Variants in RAD51B observed in about 807,000 individuals in gnomAD.
RAD51B encodes the protein DNA repair protein RAD51 homolog 2.
Under a neutral mutation model 42.2 loss-of-function variants are expected in RAD51B, and 38 were observed. The ratio of observed to expected loss-of-function variants is 0.90; its 90% CI spans 0.70 to 1.18. The LOEUF (loss-of-function observed/expected upper bound fraction) is 1.18. Ranked by LOEUF, RAD51B falls within the 50% of genes most tolerant of loss-of-function variation. RAD51B has a pLI of 0.00. For synonymous variants in RAD51B, 154 were observed against 145.2 expected (o/e 1.06, Z -0.43); for missense variants, 373 against 400.7 (o/e 0.93, Z 0.59).
intron 7 of RAD51B, among the ~76,000 whole-genome samples, chr14:68,280,299 G>A (rs997360227): frequency 9.2e-5 from 14 of 152,160 alleles, no homozygotes; most frequent in African/African-American, 3.1e-4. Context: ...ATGGGACTTG[G>A]TTAATCTGAT....
chr14:68,563,848 G>T (rs1039963793), intron 10 of RAD51B: 10 of 985,478 alleles, frequency 1.0e-5, no homozygotes, highest in Non-Finnish European at 4.8e-6. Flanking sequence ...TCCTCTTGAA[G>T]TTGGTTTCCG....
chr14:68,030,523 C>T (rs1158970250), intron 7 of RAD51B, among the ~76,000 whole-genome samples: 1 of 152,198 alleles, frequency 6.6e-6, no homozygotes. Flanking sequence ...AGCTTCCTCA[C>T]CTCTCTCAGC....
chr14:67,832,036 T>G (rs2041069448), intron 3 of RAD51B, among the ~76,000 whole-genome samples: 2 of 152,210 alleles, frequency 1.3e-5, no homozygotes, highest in South Asian at 4.1e-4. Flanking sequence ...GAAATATTTC[T>G]TATATCAAAA....
At chr14:67,821,999 G>C (rs777168434) in intron 1 of RAD51B, among the ~76,000 whole-genome samples, 23 of 151,962 alleles carry the variant, frequency 1.5e-4, no homozygotes, top group Non-Finnish European at 3.4e-4. Context: ...GTGCGTGTGT[G>C]TGTGTGTGAG....
intron 4 of RAD51B, among the ~76,000 whole-genome samples, chr14:67,860,312 C>T (rs1334958237): frequency 1.3e-5 from 2 of 152,040 alleles, no homozygotes; most frequent in East Asian, 3.8e-4. Context: ...ACATGAAGAA[C>T]TAATTTCATT....
chr14:68,534,938 ATAT>A (rs1308262949), intron 10 of RAD51B, among the ~76,000 whole-genome samples: 4 of 152,010 alleles, frequency 2.6e-5, no homozygotes, highest in Non-Finnish European at 5.9e-5. Context: ...TGCTTTATAT[ATAT>A]TATTATTGTT....
downstream of RAD51B, among the ~76,000 whole-genome samples, chr14:68,482,176 GGTGT>G (rs66768673): frequency 8.7e-5 from 13 of 149,904 alleles, no homozygotes; most frequent in South Asian, 8.5e-4. Flanking sequence ...ATATTTTAGG[GGTGT>G]GTGTGTGTGT....
intron 7 of RAD51B, among the ~76,000 whole-genome samples, chr14:67,942,098 A>C (rs533814410): frequency 6.6e-6 from 1 of 152,350 alleles, no homozygotes; most frequent in African/African-American, 2.4e-5. Flanking sequence ...TATAATTCAT[A>C]GAGAATTTTC....
At chr14:67,994,881 G>C (rs1181172338) in intron 7 of RAD51B, among the ~76,000 whole-genome samples, 1 of 152,176 alleles carries the variant, frequency 6.6e-6, no homozygotes, top group East Asian at 1.9e-4. Context: ...GTCATCAGTA[G>C]ATGAATGAAT....
At chr14:67,933,871 C>G (rs1021485950) in intron 7 of RAD51B, among the ~76,000 whole-genome samples, 1 of 152,228 alleles carries the variant, frequency 6.6e-6, no homozygotes, top group Non-Finnish European at 1.5e-5. Context: ...AGAGCAGAAG[C>G]TACCTCTATG....
intron 10 of RAD51B, among the ~76,000 whole-genome samples, chr14:68,581,585 A>G (rs1890211021): frequency 6.6e-6 from 1 of 152,210 alleles, no homozygotes; most frequent in Admixed American, 6.5e-5. Context: ...TACTGCCCAT[A>G]GTAATTTGTA....
At chr14:68,361,876 A>T (rs2083033087) in intron 8 of RAD51B, among the ~76,000 whole-genome samples, 1 of 152,114 alleles carries the variant, frequency 6.6e-6, no homozygotes, top group Admixed American at 6.5e-5. Flanking sequence ...GGGTTTTACC[A>T]TGTTAGCCAG....
chr14:68,563,486 G>C, intron 10 of RAD51B: 2 of 985,458 alleles, frequency 2.0e-6, no homozygotes, highest in Non-Finnish European at 2.4e-6. Context: ...ATGCAGGCTG[G>C]GGCTGAAGAA....
chr14:67,982,865 A>T (rs543596558), intron 7 of RAD51B, among the ~76,000 whole-genome samples: 27 of 152,064 alleles, frequency 1.8e-4, no homozygotes, highest in African/African-American at 6.0e-4. Flanking sequence ...GGAATTTGAG[A>T]CCAGCCCAGG....
intron 10 of RAD51B, chr14:68,562,323 G>A (rs1889196755): frequency 2.0e-6 from 2 of 985,444 alleles, no homozygotes; most frequent in Non-Finnish European, 2.4e-6. Flanking sequence ...GACGAAGGCT[G>A]TGTGATCTAC....
chr14:67,824,640 G>A (rs1277285249), intron 2 of RAD51B, among the ~76,000 whole-genome samples: 2 of 151,802 alleles, frequency 1.3e-5, no homozygotes, highest in African/African-American at 2.4e-5. Flanking sequence ...AGATAACATC[G>A]GTTCCTTTGT....
intron 10 of RAD51B, among the ~76,000 whole-genome samples, chr14:68,649,988 C>T (rs1892667351): frequency 6.6e-6 from 1 of 152,188 alleles, no homozygotes; most frequent in South Asian, 2.1e-4. Context: ...CTGCAGGGCT[C>T]CTGAGAGCCA....
intron 7 of RAD51B, among the ~76,000 whole-genome samples, chr14:68,055,220 C>T (rs185618875): frequency 6.6e-6 from 1 of 152,186 alleles, no homozygotes; most frequent in Admixed American, 6.5e-5. Flanking sequence ...ATGTGCTTTC[C>T]ATCCTTAATA....
chr14:67,962,666 T>C (rs866783625), intron 7 of RAD51B, among the ~76,000 whole-genome samples: 5 of 152,216 alleles, frequency 3.3e-5, no homozygotes, highest in South Asian at 2.1e-4. Flanking sequence ...CCAGAGAATA[T>C]AGTATCTGTG....
Sources: gnomAD v4.1 joint callset for allele counts (sites outside exome capture counted in the v4.1 genomes callset) on GRCh38, gnomAD v4.1.1 for gene constraint, MANE v1.5 for transcripts, NCBI Gene and HGNC (gene_info 2026-07-23, HGNC 2026-07-21) for gene names.